The following CAPS2 variants were observed in gnomAD, a reference collection of about 807,000 sequenced individuals.
CAPS2 encodes the protein calcyphosin-2.
A neutral mutation model predicts 86.5 loss-of-function variants in CAPS2; 98 were observed. The ratio of observed to expected loss-of-function variants is 1.13; its 90% confidence interval spans 0.96 to 1.34. The LOEUF (loss-of-function observed/expected upper bound fraction) is 1.34. Ranked by LOEUF, CAPS2 falls within the 40% of genes most tolerant of loss-of-function variation. The pLI is 0.00. For missense variants in CAPS2, 729 were observed against 686.8 expected (o/e 1.06, Z -0.69); for synonymous variants, 210 against 225.1 (o/e 0.93, Z 0.60).
intron 1 of CAPS2, among the ~76,000 whole-genome samples, chr12:75,358,931 A>T (rs1213297538): frequency 6.9e-6 from 1 of 145,982 alleles, no homozygotes; most frequent in Non-Finnish European, 1.5e-5. Context: ...ACTGCATAAA[A>T]CAGATAAATA....
chr12:75,284,950 A>C lies in CAPS2; in HGVS notation c.1515+11T>G, dbSNP rs1180871919. The stretch of plus-strand genomic sequence containing the variant: ...AAAATAACAATTTGAAAGATTACTT[A>C]ACAAAGTTACCTTTCGAACATATGA... On this transcript the variant is annotated intron_variant, in intron 15 of 16. Transcript: ENST00000393284. 8 of 1,590,526 alleles carry C rather than the reference A, an allele frequency of 5.0e-6. No homozygotes were observed. The highest frequency in any genetic ancestry group is 6.9e-6 in the Non-Finnish European group (8 of 1,166,648).
Position 75,284,448 on chromosome 12 carries a change from A to G in CAPS2, c.1515+513T>C, listed in dbSNP as rs572009527. Among the ~76,000 whole-genome samples, 112 of 152,274 alleles carry G rather than the reference A, an allele frequency of 7.4e-4. 1 individual carries two copies. Among genetic ancestry groups the G allele is most frequent in the African/African-American group, 2.6e-3 (108 of 41,570 alleles). On this transcript the variant is annotated intron_variant, in intron 15 of 16. Transcript: ENST00000393284. The stretch of plus-strand genomic sequence containing the variant: ...GTACTCCTGTTTTTAATTCCAATTT[A>G]ACATGATTATCTTAATTTACAAGTT...
At chr12:75,316,659 A>G (rs1198387002) in intron 5 of CAPS2, among the ~76,000 whole-genome samples, 1 of 152,156 alleles carries the variant, frequency 6.6e-6, no homozygotes, top group Non-Finnish European at 1.5e-5. Context: ...AATGCGAATT[A>G]ATAATAGGAA....
upstream of CAPS2, chr12:75,326,612 T>A: frequency 1.5e-6 from 1 of 679,774 alleles, no homozygotes; most frequent in Admixed American, 2.4e-5. Context: ...CAAGTCTACC[T>A]GGAAAGAAAT....
intron 1 of CAPS2, among the ~76,000 whole-genome samples, chr12:75,380,292 A>G (rs1437177038): frequency 6.6e-6 from 1 of 152,160 alleles, no homozygotes; most frequent in Non-Finnish European, 1.5e-5. Context: ...AAAACTAGGT[A>G]ATTTGAACTG....
At chr12:75,277,683 G>T (rs2033169199) in exon 17 of CAPS2, 1 of 969,756 alleles carries the variant, frequency 1.0e-6, no homozygotes, top group Non-Finnish European at 1.2e-6. Context: ...TCATGTTGCT[G>T]CCAAGTATAG....
intron 8 of CAPS2, among the ~76,000 whole-genome samples, chr12:75,304,053 A>G (rs1295542003): frequency 6.6e-6 from 1 of 152,218 alleles, no homozygotes; most frequent in Non-Finnish European, 1.5e-5. Flanking sequence ...GAACAATTAA[A>G]CAATAAATCT....
In CAPS2 at chr12:75,298,870, C is replaced by A; in HGVS notation, c.950+1G>T. On this transcript the variant is annotated splice_donor_variant, in intron 10 of 16. Coordinates refer to ENST00000393284, the Ensembl canonical transcript of CAPS2. LOFTEE classifies it high-confidence loss of function. ...AGTTCTAACAATGTTTAATGGCATA[C>A]CTATTTTTCCCAAATTGTCGATATT... 6.2e-7 allele frequency: 1 copy of A among 1,605,488 alleles called. No homozygotes were observed. The highest frequency in any genetic ancestry group is 8.5e-7 in the Non-Finnish European group (1 of 1,173,862).
intron 1 of CAPS2, among the ~76,000 whole-genome samples, chr12:75,383,141 AT>A (rs1213182257): frequency 1.3e-5 from 2 of 152,214 alleles, no homozygotes; most frequent in Non-Finnish European, 2.9e-5. Flanking sequence ...GCCTCTTTAA[AT>A]TTTTTGAAAA....
intron 5 of CAPS2, 49 bp downstream of exon 5, chr12:75,321,351 G>T: frequency 8.8e-7 from 1 of 1,141,042 alleles, no homozygotes; most frequent in Non-Finnish European, 1.2e-6. Flanking sequence ...TGTAATATGT[G>T]CAGTTTTCTT....
In CAPS2 at chr12:75,373,018, G is replaced by A. The variant is rs1000232902; in HGVS notation, c.-395+17820C>T. ...GATAAATCACTGCCCTTTCCATGAC[G>A]GAGGCAGTCCAATGTAATCAACCTG... On this transcript the variant is annotated intron_variant, in intron 1 of 5. Transcript: ENST00000551829. Among the ~76,000 whole-genome samples, 12 of 152,182 alleles carry A rather than the reference G, an allele frequency of 7.9e-5. No individual in the cohort carries two copies. In the South Asian group the frequency reaches 1.7e-3, roughly 21 times the overall value.
intron 1 of CAPS2, among the ~76,000 whole-genome samples, chr12:75,371,787 CA>C (rs1353036863): frequency 6.6e-6 from 1 of 152,178 alleles, no homozygotes; most frequent in Non-Finnish European, 1.5e-5. Flanking sequence ...TATACATGCA[CA>C]AACATATTCT....
At chr12:75,373,662 G>A (rs2044494269) in intron 1 of CAPS2, 1 of 152,318 alleles carries the variant, frequency 6.6e-6, no homozygotes, top group African/African-American at 2.4e-5. Context: ...TTTTGGGGTG[G>A]TGTCTGTATA....
chr12:75,321,568 G>A (rs948845394), exon 5 of CAPS2: 1 of 1,539,056 alleles, frequency 6.5e-7, no homozygotes, highest in African/African-American at 1.4e-5. Flanking sequence ...CAGGTATTAT[G>A]TTCTGATCCT....
At chr12:75,347,170 G>T in intron 1 of CAPS2, among the ~76,000 whole-genome samples, 1 of 151,740 alleles carries the variant, frequency 6.6e-6, no homozygotes, top group East Asian at 1.9e-4. Flanking sequence ...ACTTGACAAA[G>T]GTAAGAATAT....
chr12:75,308,527 T>G (rs1019628489), intron 7 of CAPS2, among the ~76,000 whole-genome samples: 1 of 152,184 alleles, frequency 6.6e-6, no homozygotes, highest in African/African-American at 2.4e-5. Context: ...TTTTGTGTTT[T>G]GTCCAATTCT....
At chr12:75,288,607 A>C (rs1309563066) in intron 14 of CAPS2, among the ~76,000 whole-genome samples, 2 of 152,244 alleles carry the variant, frequency 1.3e-5, no homozygotes, top group African/African-American at 4.8e-5. Context: ...TCCTTGAGAC[A>C]AATGTGGTTC....
chr12:75,348,014 C>T (rs1389833302), intron 1 of CAPS2, among the ~76,000 whole-genome samples: 1 of 151,784 alleles, frequency 6.6e-6, no homozygotes, highest in Non-Finnish European at 1.5e-5. Context: ...TATATAAATA[C>T]TGAAACACAA....
chr12:75,351,331 G>A (rs956099755), intron 1 of CAPS2, among the ~76,000 whole-genome samples: 1 of 152,074 alleles, frequency 6.6e-6, no homozygotes, highest in African/African-American at 2.4e-5. Flanking sequence ...AGGAAATCCA[G>A]AGAACCCCCG....
Sources: gnomAD v4.1 joint callset for allele counts (sites outside exome capture counted in the v4.1 genomes callset) on GRCh38, gnomAD v4.1.1 for gene constraint, MANE v1.5 for transcripts, NCBI Gene and HGNC (gene_info 2026-07-23, HGNC 2026-07-21) for gene names.